The following PRKN variants were observed in gnomAD, a reference collection of about 807,000 sequenced individuals.
The protein encoded by PRKN is parkin RBR E3 ubiquitin protein ligase, also known as E3 ubiquitin-protein ligase parkin.
A neutral mutation model predicts 59.5 loss-of-function variants in PRKN; 56 were observed. The observed-to-expected ratio is 0.94, with a 90% CI of 0.76 to 1.18. The LOEUF (loss-of-function observed/expected upper bound fraction) is 1.18. PRKN is among the 50% of genes most tolerant of loss of function. PRKN has a pLI of 0.00. For missense variants in PRKN, 657 were observed against 596.4 expected, an observed-to-expected ratio of 1.10 and a Z score of -1.06; for synonymous variants, 250 against 222.1, an observed-to-expected ratio of 1.13 and a Z score of -1.12.
chr6:162,320,307 T>C (rs1317404313), intron 2 of PRKN, among the ~76,000 whole-genome samples: 2 of 147,860 alleles, frequency 1.4e-5, no homozygotes, highest in East Asian at 3.9e-4. Context: ...TGATTTTTCC[T>C]TTGGGTAGAT....
At position 162,293,001 on chromosome 6, in the gene PRKN, G is replaced by T. The variant is rs933905599; in HGVS notation, c.172-30236C>A. On this transcript the variant is annotated intron_variant, in intron 2 of 11. Transcript: ENST00000366898. ...ATACCTCATGAAGGGCAAGGAGGAG[G>T]TCAAAGAGACTTTCTGAGAATAACA... Among the ~76,000 whole-genome samples, 5 of 152,186 alleles carry T rather than the reference G, an allele frequency of 3.3e-5. No individual in the cohort carries two copies. In the East Asian group the frequency reaches 9.6e-4, roughly 29 times the overall value.
chr6:162,259,564 A>G (rs2128099080), intron 3 of PRKN, among the ~76,000 whole-genome samples: 1 of 152,368 alleles, frequency 6.6e-6, no homozygotes, highest in Middle Eastern at 3.4e-3. Flanking sequence ...TTTTTAGTGA[A>G]GAAAAATAAT....
chr6:161,404,067 T>C (rs1210343721), intron 9 of PRKN, among the ~76,000 whole-genome samples: 2 of 152,072 alleles, frequency 1.3e-5, no homozygotes, highest in Non-Finnish European at 2.9e-5. Context: ...GGAAATCCCT[T>C]TGGGCAAACC....
intron 1 of PRKN, among the ~76,000 whole-genome samples, chr6:162,561,354 C>G (rs1779831705): frequency 6.6e-6 from 1 of 151,910 alleles, no homozygotes; most frequent in Non-Finnish European, 1.5e-5. Flanking sequence ...AAGCCAATGA[C>G]TATCTAGTTT....
At chr6:161,438,729 TA>T in intron 9 of PRKN, among the ~76,000 whole-genome samples, 1 of 152,312 alleles carries the variant, frequency 6.6e-6, no homozygotes, top group African/African-American at 2.4e-5. Context: ...AGTAAACCGT[TA>T]AGTGCTCTAT....
At chr6:162,371,813 T>C (rs942655004) in intron 2 of PRKN, among the ~76,000 whole-genome samples, 2 of 152,200 alleles carry the variant, frequency 1.3e-5, no homozygotes, top group Admixed American at 1.3e-4. Flanking sequence ...TTATGTTTCT[T>C]CACCTCCCCT....
intron 7 of PRKN, among the ~76,000 whole-genome samples, chr6:161,667,721 T>C (rs1321465124): frequency 6.6e-6 from 1 of 152,216 alleles, no homozygotes; most frequent in Non-Finnish European, 1.5e-5. Context: ...AAATTTTATT[T>C]AAGTTCACAA....
chr6:161,842,846 C>T (rs760339887), intron 6 of PRKN, among the ~76,000 whole-genome samples: 5 of 152,208 alleles, frequency 3.3e-5, no homozygotes, highest in African/African-American at 4.8e-5. Context: ...CTGCACCCCG[C>T]CTCTTCCTTC....
intron 2 of PRKN, among the ~76,000 whole-genome samples, chr6:162,280,872 A>G (rs1228484652): frequency 6.6e-6 from 1 of 151,882 alleles, no homozygotes. Flanking sequence ...AAGGAGACAG[A>G]GACATGAAAA....
At chr6:161,469,759 G>A (rs556888845) in intron 9 of PRKN, among the ~76,000 whole-genome samples, 1 of 152,164 alleles carries the variant, frequency 6.6e-6, no homozygotes, top group Admixed American at 6.5e-5. Flanking sequence ...TTAACTTTAG[G>A]ACTTCCGACC....
At chr6:161,807,964 TA>T (rs1485793577) in intron 6 of PRKN, among the ~76,000 whole-genome samples, 7 of 152,354 alleles carry the variant, frequency 4.6e-5, no homozygotes, top group Admixed American at 4.6e-4. Context: ...GCTTAGTTTT[TA>T]ATTAATTGTG....
intron 1 of PRKN, among the ~76,000 whole-genome samples, chr6:162,498,822 A>G (rs57353935): frequency 0.2 from 24,357 of 123,688 alleles, 2,155 homozygotes; most frequent in Middle Eastern, 0.22. Flanking sequence ...AATGAGGTTT[A>G]TGAGAATTGG....
At chr6:162,530,809 T>C (rs1041717977) in intron 1 of PRKN, among the ~76,000 whole-genome samples, 1 of 152,012 alleles carries the variant, frequency 6.6e-6, no homozygotes, top group Non-Finnish European at 1.5e-5. Context: ...ATAATCCTGG[T>C]ACTTTGGGAA....
Position 161,362,272 on chromosome 6 carries a change from G to A in PRKN, c.1168-2067C>T, listed in dbSNP as rs543217344. Among the ~76,000 whole-genome samples, 4 of 152,342 alleles carry A rather than the reference G, an allele frequency of 2.6e-5. No individual in the cohort carries two copies. The highest frequency in any genetic ancestry group is 9.6e-5 in the African/African-American group (4 of 41,572). On this transcript the variant is annotated intron_variant, in intron 10 of 11. Transcript: ENST00000366898. This position sits in a 1 kb window ranked among gnomAD's most constrained non-coding sequence, Gnocchi z 5.2. ...AAACGTACGGCTGATAGGGTGGGAA[G>A]GCAAAGGAAACCCTTAAAGACAGCA...
intron 2 of PRKN, among the ~76,000 whole-genome samples, chr6:162,406,734 C>T (rs1278070349): frequency 2.0e-5 from 3 of 152,126 alleles, no homozygotes; most frequent in African/African-American, 7.2e-5. Flanking sequence ...AGGTAGGTAG[C>T]AAAGTCAGTG....
intron 6 of PRKN, among the ~76,000 whole-genome samples, chr6:161,928,550 C>T (rs958107382): frequency 6.6e-6 from 1 of 151,996 alleles, no homozygotes; most frequent in African/African-American, 2.4e-5. Context: ...TAAGTGGTTC[C>T]GTATGGACTA....
intron 7 of PRKN, among the ~76,000 whole-genome samples, chr6:161,720,778 TTA>T (rs763160659): frequency 0.024 from 2,675 of 112,500 alleles, 85 homozygotes; most frequent in African/African-American, 0.13. Context: ...TTTTTTTTTT[TTA>T]ACTATTTTTA....
intron 4 of PRKN, among the ~76,000 whole-genome samples, chr6:162,198,896 C>A (rs1297524073): frequency 6.6e-6 from 1 of 152,126 alleles, no homozygotes; most frequent in African/African-American, 2.4e-5. Context: ...TATGTTTAGG[C>A]CAATGCTACA....
In PRKN at chr6:161,376,272, CT is replaced by C. The variant is rs1785698272; in HGVS notation, c.1167+10521del. 6.6e-6 allele frequency among the ~76,000 whole-genome samples: 1 copy of C among 152,146 alleles called. No homozygotes were observed. The highest frequency in any genetic ancestry group is 1.5e-5 in the Non-Finnish European group (1 of 68,034). On this transcript the variant is annotated intron_variant, in intron 10 of 11. Transcript: ENST00000366898. This position sits in a 1 kb window ranked among gnomAD's most constrained non-coding sequence, Gnocchi z 7.3. ...GATTGTCAGTCTTGCATCTTGATCGCTGGCTCCAGCCTGGATTCTCCTCTGA... is the reference window on the plus strand; with the variant it reads ...GATTGTCAGTCTTGCATCTTGATCGCGGCTCCAGCCTGGATTCTCCTCTGA...
Sources: gnomAD v4.1 joint callset for allele counts (sites outside exome capture counted in the v4.1 genomes callset) on GRCh38, gnomAD v4.1.1 for gene constraint, Gnocchi (gnomAD v3.1) non-coding constraint, MANE v1.5 for transcripts, NCBI Gene and HGNC (gene_info 2026-07-23, HGNC 2026-07-21) for gene names.